XKR6: variants seen among roughly 807,000 people sequenced by gnomAD.
XKR6 encodes XK related 6.
In XKR6, 22 loss-of-function variants were observed where a neutral mutation model predicts 56.7. The ratio of observed to expected loss-of-function variants is 0.39; its 90% confidence interval spans 0.28 to 0.55. The LOEUF (loss-of-function observed/expected upper bound fraction) is 0.55, where lower values mean the gene tolerates loss of function less well. XKR6 is among the 20% of genes least tolerant of loss of function. The pLI is 0.66. For missense variants in XKR6, 852 were observed against 889.0 expected, an observed-to-expected ratio of 0.96 and a Z score of 0.53; for synonymous variants, 524 against 387.8, an observed-to-expected ratio of 1.35 and a Z score of -4.13.
chr8:11,144,107 G>A (rs1800852749), intron 1 of XKR6, among the ~76,000 whole-genome samples: 1 of 152,050 alleles, frequency 6.6e-6, no homozygotes, highest in Non-Finnish European at 1.5e-5. Context: ...TCCAAACATA[G>A]TCATACTGGG....
chr8:11,195,743 G>T (rs535834424), intron 1 of XKR6, among the ~76,000 whole-genome samples: 188 of 151,600 alleles, frequency 1.2e-3, no homozygotes, highest in African/African-American at 4.3e-3. Context: ...CCACCTCCCG[G>T]GTTGACGCCA....
chr8:11,072,617 G>A (rs1471532412), intron 1 of XKR6, among the ~76,000 whole-genome samples: 1 of 152,230 alleles, frequency 6.6e-6, no homozygotes, highest in East Asian at 1.9e-4. Flanking sequence ...ATGCCCCTGG[G>A]ACTCTGGGTA....
chr8:11,039,927 A>G (rs1437094466), intron 1 of XKR6, among the ~76,000 whole-genome samples: 1 of 152,248 alleles, frequency 6.6e-6, no homozygotes, highest in Non-Finnish European at 1.5e-5. Flanking sequence ...TCCATGCCTT[A>G]AAAGCATAAC....
Position 11,145,786 on chromosome 8 carries a change from TCTG to T in XKR6, c.764+54787_764+54789del, listed in dbSNP as rs1424434171. 3.9e-5 allele frequency among the ~76,000 whole-genome samples: 6 copies of T among 152,170 alleles called. No individual in the cohort carries two copies. The South Asian group carries it at 6.2e-4, about 16-fold the overall frequency. ...ATGATTTCAATTCTTCCAAAACTGA[TCTG>T]CTAACTCAACACGATCAAAATCCTA... On this transcript the variant is annotated intron_variant, in intron 1 of 2. Transcript: ENST00000416569.
At chr8:11,182,983 T>C (rs1234284545) in intron 1 of XKR6, among the ~76,000 whole-genome samples, 2 of 152,238 alleles carry the variant, frequency 1.3e-5, no homozygotes, top group Non-Finnish European at 2.9e-5. Context: ...CCTTTTATGG[T>C]GGCCTTATTT....
intron 1 of XKR6, among the ~76,000 whole-genome samples, chr8:11,020,623 G>A (rs1055496521): frequency 2.6e-5 from 4 of 152,218 alleles, no homozygotes; most frequent in Non-Finnish European, 5.9e-5. Flanking sequence ...CAGCCCCTAA[G>A]AGCTTCCTTT....
chr8:10,916,940 C>T (rs1322641941), intron 2 of XKR6, among the ~76,000 whole-genome samples: 1 of 152,168 alleles, frequency 6.6e-6, no homozygotes, highest in Non-Finnish European at 1.5e-5. Context: ...AGAAAACTAG[C>T]AAGGAAGTTA....
intron 1 of XKR6, among the ~76,000 whole-genome samples, chr8:10,969,748 G>C (rs1386959881): frequency 6.6e-6 from 1 of 152,214 alleles, no homozygotes; most frequent in Non-Finnish European, 1.5e-5. Flanking sequence ...GGCTGAGCTG[G>C]AGGCTGCAGC....
chr8:10,920,014 TTC>T (rs1030826827), intron 2 of XKR6, among the ~76,000 whole-genome samples: 61 of 152,320 alleles, frequency 4.0e-4, no homozygotes, highest in African/African-American at 1.5e-3. Context: ...CTGAATATTG[TTC>T]TCTTAGCCCA....
At chr8:10,956,411 C>G (rs1222593710) in intron 1 of XKR6, among the ~76,000 whole-genome samples, 1 of 152,138 alleles carries the variant, frequency 6.6e-6, no homozygotes, top group African/African-American at 2.4e-5. Flanking sequence ...CTGCCCAACA[C>G]CCCATACAAA....
At chr8:11,052,169 C>T (rs1034952930) in intron 1 of XKR6, among the ~76,000 whole-genome samples, 2 of 152,174 alleles carry the variant, frequency 1.3e-5, no homozygotes, top group Non-Finnish European at 2.9e-5. Context: ...AGGTTCCCAC[C>T]CCAGGGGAGC....
chr8:11,046,048 CAG>C (rs1450942028), intron 1 of XKR6, among the ~76,000 whole-genome samples: 1 of 152,056 alleles, frequency 6.6e-6, no homozygotes, highest in African/African-American at 2.4e-5. Context: ...AAAAGTTAAA[CAG>C]AGAATTACCA....
intron 1 of XKR6, among the ~76,000 whole-genome samples, chr8:11,193,554 C>G (rs1213699170): frequency 1.3e-5 from 2 of 152,066 alleles, no homozygotes; most frequent in Non-Finnish European, 2.9e-5. Context: ...CGACTAGTGT[C>G]AAAAGAGAAC....
At chr8:11,104,754 T>G (rs1273623617) in intron 1 of XKR6, 1 of 152,244 alleles carries the variant, frequency 6.6e-6, no homozygotes, top group African/African-American at 2.4e-5. Context: ...TTTTACAGGT[T>G]GAAAAGTTAT....
chr8:11,002,399 G>A, intron 1 of XKR6: 1 of 386,602 alleles, frequency 2.6e-6, no homozygotes, highest in Non-Finnish European at 5.5e-6. Context: ...CAGCAGTTCT[G>A]TTGGCCTGGG....
At chr8:10,985,858 G>C (rs542646062) in intron 1 of XKR6, among the ~76,000 whole-genome samples, 1 of 152,220 alleles carries the variant, frequency 6.6e-6, no homozygotes, top group African/African-American at 2.4e-5. Flanking sequence ...CACCTGCCTT[G>C]GACTCCCAGA....
chr8:11,006,384 G>A (rs745692831), intron 1 of XKR6, among the ~76,000 whole-genome samples: 24 of 152,062 alleles, frequency 1.6e-4, no homozygotes, highest in Admixed American at 5.9e-4. Context: ...TGCCCCTATG[G>A]TCACAATTGT....
intron 1 of XKR6, among the ~76,000 whole-genome samples, chr8:10,939,210 G>A (rs1801314822): frequency 1.3e-5 from 2 of 152,108 alleles, no homozygotes; most frequent in Non-Finnish European, 2.9e-5. Flanking sequence ...ACAGCTGACC[G>A]GCCCAACCAG....
intron 1 of XKR6, among the ~76,000 whole-genome samples, chr8:11,139,322 G>A (rs1800564184): frequency 6.6e-6 from 1 of 152,148 alleles, no homozygotes; most frequent in South Asian, 2.1e-4. Flanking sequence ...AGAATCCTGT[G>A]GACAGCAAGG....
Sources: allele counts gnomAD v4.1 joint callset (sites outside exome capture counted in the v4.1 genomes callset), GRCh38; gene constraint gnomAD v4.1.1; transcripts MANE v1.5; gene names NCBI Gene and HGNC (gene_info 2026-07-23, HGNC 2026-07-21).